The following KLHL1 variants were observed in gnomAD, a reference collection of about 807,000 sequenced individuals.
The protein encoded by KLHL1 is kelch like family member 1.
Under a neutral mutation model 77.7 loss-of-function variants are expected in KLHL1, and 47 were observed. The observed-to-expected ratio is 0.60, with a 90% CI of 0.48 to 0.77. KLHL1 has a LOEUF of 0.77. Ranked by LOEUF, KLHL1 falls within the 30% of genes least tolerant of loss-of-function variation. The pLI is 0.00. For missense variants in KLHL1, 925 were observed against 910.8 expected (o/e 1.02, Z -0.20); for synonymous variants, 360 against 325.2 (o/e 1.11, Z -1.15).
chr13:70,083,456 G>A (rs954228755), intron 1 of KLHL1, among the ~76,000 whole-genome samples: 6 of 152,086 alleles, frequency 3.9e-5, no homozygotes, highest in Non-Finnish European at 7.4e-5. Flanking sequence ...ATAGCTCAAT[G>A]CACCTGGCCT....
intron 10 of KLHL1, among the ~76,000 whole-genome samples, chr13:69,702,685 T>G (rs1833861461): frequency 6.6e-6 from 1 of 151,790 alleles, no homozygotes; most frequent in South Asian, 2.1e-4. Context: ...ATGTATTTAT[T>G]GTTACCCATC....
chr13:69,805,220 G>A (rs1713287740), intron 6 of KLHL1, among the ~76,000 whole-genome samples: 1 of 151,680 alleles, frequency 6.6e-6, no homozygotes, highest in Non-Finnish European at 1.5e-5. Flanking sequence ...ATCAATCCCT[G>A]ATAAAATATT....
At chr13:70,073,011 A>G (rs1887173440) in intron 1 of KLHL1, among the ~76,000 whole-genome samples, 1 of 152,164 alleles carries the variant, frequency 6.6e-6, no homozygotes, top group Admixed American at 6.5e-5. Context: ...GTGATTCCTC[A>G]AGGATCTAGA....
At chr13:69,764,525 A>C (rs1409232048) in intron 7 of KLHL1, among the ~76,000 whole-genome samples, 1 of 141,528 alleles carries the variant, frequency 7.1e-6, no homozygotes. Flanking sequence ...TAAATTCATA[A>C]CATTTCTACT....
chr13:70,078,666 G>A (rs1013260647), intron 1 of KLHL1, among the ~76,000 whole-genome samples: 4 of 152,094 alleles, frequency 2.6e-5, no homozygotes, highest in Admixed American at 1.3e-4. Context: ...AAAGAAGAAT[G>A]TAGGTCCAGC....
intron 3 of KLHL1, among the ~76,000 whole-genome samples, chr13:69,946,891 G>A (rs992447895): frequency 9.9e-5 from 15 of 151,956 alleles, no homozygotes; most frequent in African/African-American, 3.1e-4. Context: ...TATTAGGTTG[G>A]TACAAAAGTA....
chr13:69,860,216 A>C (rs1880084781), intron 5 of KLHL1, among the ~76,000 whole-genome samples: 2 of 152,106 alleles, frequency 1.3e-5, no homozygotes, highest in Admixed American at 6.6e-5. Context: ...ATGGAGTGGT[A>C]GAATATATAC....
intron 1 of KLHL1, among the ~76,000 whole-genome samples, chr13:70,059,698 G>A (rs985299589): frequency 2.0e-5 from 3 of 152,194 alleles, no homozygotes; most frequent in Non-Finnish European, 2.9e-5. Flanking sequence ...AAGAATAGAA[G>A]TTTAATTGAC....
At chr13:69,843,524 A>C (rs2138118424) in intron 5 of KLHL1, among the ~76,000 whole-genome samples, 1 of 151,832 alleles carries the variant, frequency 6.6e-6, no homozygotes, top group Non-Finnish European at 1.5e-5. Flanking sequence ...GATTAATTTT[A>C]GCTTACAAGT....
intron 1 of KLHL1, among the ~76,000 whole-genome samples, chr13:70,079,340 G>A (rs919057105): frequency 6.6e-6 from 1 of 152,058 alleles, no homozygotes; most frequent in Non-Finnish European, 1.5e-5. Context: ...ACAGTTCAAA[G>A]TTCCCCAGGT....
intron 7 of KLHL1, among the ~76,000 whole-genome samples, chr13:69,794,959 A>C: frequency 6.6e-6 from 1 of 152,334 alleles, no homozygotes; most frequent in Admixed American, 6.5e-5. Flanking sequence ...GGAAGGAGGT[A>C]AATCAAAGGC....
intron 1 of KLHL1, among the ~76,000 whole-genome samples, chr13:70,001,666 T>C (rs1386825378): frequency 2.7e-5 from 4 of 146,594 alleles, no homozygotes; most frequent in African/African-American, 1.0e-4. Flanking sequence ...ATTATCTATC[T>C]ATCTATCTAT....
intron 7 of KLHL1, among the ~76,000 whole-genome samples, chr13:69,746,895 G>A (rs1013485408): frequency 1.1e-4 from 16 of 152,078 alleles, no homozygotes; most frequent in African/African-American, 3.6e-4. Context: ...TCTTTCCAGG[G>A]TCTTGATGCA....
At chr13:69,841,720 T>A (rs1230226268) in intron 5 of KLHL1, among the ~76,000 whole-genome samples, 1 of 151,684 alleles carries the variant, frequency 6.6e-6, no homozygotes, top group East Asian at 1.9e-4. Flanking sequence ...AAAATATATA[T>A]AAAACATCAA....
chr13:70,031,608 G>A (rs754753013), intron 1 of KLHL1, among the ~76,000 whole-genome samples: 12 of 152,204 alleles, frequency 7.9e-5, no homozygotes, highest in African/African-American at 2.4e-4. Flanking sequence ...ATAGTTCCTC[G>A]TGCTATTTAT....
chr13:70,089,304 T>G (rs1347875008), intron 1 of KLHL1, among the ~76,000 whole-genome samples: 1 of 152,154 alleles, frequency 6.6e-6, no homozygotes, highest in Non-Finnish European at 1.5e-5. Context: ...TTTTTGTTGT[T>G]GTTGTTTTGC....
chr13:70,054,581 A>C (rs1171056084), intron 1 of KLHL1, among the ~76,000 whole-genome samples: 2 of 152,084 alleles, frequency 1.3e-5, no homozygotes, highest in East Asian at 1.9e-4. Context: ...AGTATGAGTG[A>C]CCAACCCCCA....
rs1325330340 is a variant in KLHL1 at position 69,886,840 on chromosome 13, C to T, written c.1015-4345G>A. 2.0e-5 allele frequency among the ~76,000 whole-genome samples: 3 copies of T among 152,094 alleles called. No homozygotes were observed. The South Asian group carries it at 6.2e-4, about 31-fold the overall frequency. ...ACCATTAGTCAATTACAGTAAACTC[C>T]TAGTCACGGTTCTAAGCATTATAGT... On this transcript the variant is annotated intron_variant, in intron 4 of 10. Coordinates refer to ENST00000377844, the MANE Select transcript of KLHL1 (RefSeq NM_020866.3).
At chr13:69,905,675 T>C (rs1488141408) in intron 4 of KLHL1, among the ~76,000 whole-genome samples, 1 of 152,108 alleles carries the variant, frequency 6.6e-6, no homozygotes, top group Non-Finnish European at 1.5e-5. Flanking sequence ...AAATGTATTA[T>C]TTAATTCTAA....
Sources: gnomAD v4.1 joint callset for allele counts (sites outside exome capture counted in the v4.1 genomes callset) on GRCh38, gnomAD v4.1.1 for gene constraint, MANE v1.5 for transcripts, NCBI Gene and HGNC (gene_info 2026-07-23, HGNC 2026-07-21) for gene names.